Variants in DENND1B observed in about 807,000 individuals in gnomAD.
DENND1B encodes DENN domain containing 1B, also known as DENN domain-containing protein 1B.
DENND1B carries 59 observed loss-of-function variants against 90.1 expected under a neutral mutation model. The observed-to-expected ratio is 0.65, with a 90% CI of 0.53 to 0.81. The LOEUF is 0.81. DENND1B is among the 40% of genes least tolerant of loss of function. DENND1B has a pLI of 0.00. For missense variants in DENND1B, 862 were observed against 912.6 expected (o/e 0.94, Z 0.71); for synonymous variants, 337 against 324.6 (o/e 1.04, Z -0.41).
At chr1:197,694,647 T>G (rs1385793919) in intron 3 of DENND1B, among the ~76,000 whole-genome samples, 1 of 151,472 alleles carries the variant, frequency 6.6e-6, no homozygotes, top group Admixed American at 6.6e-5. Context: ...GACAAATGTT[T>G]ACAGCTTAAT....
Position 197,540,029 on chromosome 1 carries a change from A to G in DENND1B, c.1450T>C (p.Tyr484His), listed in dbSNP as rs1571796321. The G allele has an allele frequency of 5.6e-6, 9 of 1,613,376 alleles. No homozygotes were observed. The highest frequency in any genetic ancestry group is 5.9e-6 in the Non-Finnish European group (7 of 1,179,564). ...DYGTCSSSVQ[Y>H]TPVYKLHNEK... ...TTGTGTAATTTGTAAACTGGTGTAT[A>G]TTGTACAGAACTAGAACAGGTCCCA... Residue 484 changes from tyrosine to histidine, a missense_variant, in exon 20 of 23, where the codon TAT (tyrosine) becomes CAT (histidine). Coordinates refer to ENST00000620048, the MANE Select transcript of DENND1B (RefSeq NM_001195215.2).
chr1:197,659,480 A>G (rs1654191079), intron 5 of DENND1B, among the ~76,000 whole-genome samples: 1 of 152,042 alleles, frequency 6.6e-6, no homozygotes, highest in Non-Finnish European at 1.5e-5. Context: ...GAAAACTGAT[A>G]TGATACTTTA....
intron 20 of DENND1B, among the ~76,000 whole-genome samples, chr1:197,519,727 G>A (rs751529378): frequency 2.0e-5 from 3 of 151,922 alleles, no homozygotes; most frequent in Non-Finnish European, 2.9e-5. Flanking sequence ...AAGTTAGTAG[G>A]TTAGTTAGAT....
Position 197,516,120 on chromosome 1 carries a change from T to C in DENND1B, c.1516-3167A>G, listed in dbSNP as rs114821006. Among the ~76,000 whole-genome samples the C allele has an allele frequency of 3.7e-3, 556 of 151,972 alleles. 1 individual carries two copies. The highest frequency in any genetic ancestry group is 0.013 in the African/African-American group (537 of 41,530). On this transcript the variant is annotated intron_variant, in intron 20 of 22. Transcript: ENST00000620048. ...ATTTCTATATAGGGATGTTAAACAG[T>C]ATATCTTATGATAAGTTTTAACACT...
chr1:197,606,920 T>C, intron 13 of DENND1B, 153 bp downstream of exon 13: 2 of 605,280 alleles, frequency 3.3e-6, no homozygotes. Flanking sequence ...AAGGTAAAAA[T>C]ATTAAATATA....
chr1:197,660,335 AAAT>A (rs1444921441), intron 5 of DENND1B, among the ~76,000 whole-genome samples: 9 of 152,004 alleles, frequency 5.9e-5, no homozygotes, highest in East Asian at 5.8e-4. Context: ...AAAGTATAAT[AAAT>A]AATAATAATT....
intron 2 of DENND1B, among the ~76,000 whole-genome samples, chr1:197,721,234 T>C (rs1378451619): frequency 3.3e-5 from 5 of 151,818 alleles, no homozygotes; most frequent in African/African-American, 1.2e-4. Context: ...CACACCCAGC[T>C]AATTTTTTTT....
At chr1:197,527,410 G>A (rs1303552696) in intron 20 of DENND1B, among the ~76,000 whole-genome samples, 1 of 151,270 alleles carries the variant, frequency 6.6e-6, no homozygotes, top group East Asian at 1.9e-4. Context: ...AGCCTCCCGA[G>A]TAGTTGGGAT....
chr1:197,516,565 T>C (rs1668411727), intron 20 of DENND1B, among the ~76,000 whole-genome samples: 1 of 151,738 alleles, frequency 6.6e-6, no homozygotes, highest in Non-Finnish European at 1.5e-5. Context: ...AGCACAGTGC[T>C]TTCAGGGGAA....
intron 3 of DENND1B, among the ~76,000 whole-genome samples, chr1:197,702,417 T>C (rs1257153185): frequency 6.6e-6 from 1 of 152,188 alleles, no homozygotes; most frequent in Non-Finnish European, 1.5e-5. Flanking sequence ...TAAGGTTATA[T>C]AACATGTAAA....
chr1:197,726,630 T>C (rs1661660905), intron 2 of DENND1B, among the ~76,000 whole-genome samples: 1 of 152,132 alleles, frequency 6.6e-6, no homozygotes, highest in Non-Finnish European at 1.5e-5. Flanking sequence ...AGCAAAGGCA[T>C]GAAGCATAGT....
intron 10 of DENND1B, among the ~76,000 whole-genome samples, chr1:197,628,474 T>C (rs1204776251): frequency 1.3e-5 from 2 of 152,326 alleles, no homozygotes; most frequent in East Asian, 1.9e-4. Flanking sequence ...GCTAGCCATA[T>C]GTAGAAAGCT....
At chr1:197,658,548 A>T (rs1654081976) in intron 5 of DENND1B, among the ~76,000 whole-genome samples, 179 bp from the exon 6 acceptor site, 1 of 151,936 alleles carries the variant, frequency 6.6e-6, no homozygotes, top group African/African-American at 2.4e-5. Context: ...TAGTTTTCAT[A>T]AAACAAATCA....
intron 3 of DENND1B, among the ~76,000 whole-genome samples, chr1:197,703,313 A>T (rs992456050): frequency 6.6e-6 from 1 of 152,054 alleles, no homozygotes; most frequent in African/African-American, 2.4e-5. Context: ...TACAAAAAAA[A>T]GAAAAAAGAA....
intron 5 of DENND1B, among the ~76,000 whole-genome samples, chr1:197,669,467 T>A (rs1302218839): frequency 6.6e-6 from 1 of 152,132 alleles, no homozygotes; most frequent in Non-Finnish European, 1.5e-5. Flanking sequence ...TACCTATCTA[T>A]AATTTTCCAA....
chr1:197,609,702 T>TAAA (rs11407728), intron 12 of DENND1B, among the ~76,000 whole-genome samples: 699 of 146,316 alleles, frequency 4.8e-3, no homozygotes, highest in Middle Eastern at 0.024. Flanking sequence ...TTTTCGCCAT[T>TAAA]AAAAAAAAAA....
Position 197,509,553 on chromosome 1 carries a change from T to C in DENND1B, c.*907A>G, listed in dbSNP as rs1490579266. ...AATCTAAAACTTCTAAAATACAAAG[T>C]CAATTATTTTAAAAAGTAAATTTGA... On this transcript the variant is annotated 3_prime_UTR_variant, in exon 23 of 23. Transcript: ENST00000620048. 1.3e-5 allele frequency: 2 copies of C among 151,870 alleles called. No individual in the cohort carries two copies. Among genetic ancestry groups the C allele is most frequent in the Non-Finnish European group, 2.9e-5 (2 of 67,842 alleles). The allele number at this position is 151,870 out of a possible 1,614,324, so 9.4% of individuals were successfully genotyped here.
chr1:197,562,428 A>G (rs1293170654), intron 15 of DENND1B, among the ~76,000 whole-genome samples: 1 of 151,886 alleles, frequency 6.6e-6, no homozygotes. Flanking sequence ...AAACTCTTAC[A>G]ATATTTCAAA....
intron 9 of DENND1B, among the ~76,000 whole-genome samples, chr1:197,645,028 T>G (rs1165881678): frequency 6.6e-6 from 1 of 152,120 alleles, no homozygotes; most frequent in Non-Finnish European, 1.5e-5. Context: ...ATTTGTTACT[T>G]CTACTTGTCT....
Sources: allele counts gnomAD v4.1 joint callset (sites outside exome capture counted in the v4.1 genomes callset), GRCh38; gene constraint gnomAD v4.1.1; transcripts MANE v1.5; gene names NCBI Gene and HGNC (gene_info 2026-07-23, HGNC 2026-07-21).